Variants in CSMD3 observed in about 807,000 individuals in gnomAD.
The protein encoded by CSMD3 is CUB and sushi domain-containing protein 3.
Under a neutral mutation model 435.2 loss-of-function variants are expected in CSMD3, and 177 were observed. That is an observed-to-expected ratio of 0.41 (90% CI 0.36 to 0.46). CSMD3 has a LOEUF of 0.46. Ranked by LOEUF, CSMD3 falls within the 20% of genes least tolerant of loss-of-function variation. The pLI, the probability that CSMD3 is intolerant of heterozygous loss-of-function variation, is 0.34. For synonymous variants in CSMD3, 1,656 were observed against 1,520.5 expected (o/e 1.09, Z -2.07); for missense variants, 4,265 against 4,504.6 (o/e 0.95, Z 1.52).
In CSMD3 at chr8:112,337,649, G is replaced by T. The variant is rs148960234; in HGVS notation, c.6735C>A (p.Thr2245=). 1.2e-6 allele frequency: 2 copies of T among 1,613,412 alleles called. No homozygotes were observed. The highest frequency in any genetic ancestry group is 4.5e-5 in the East Asian group (2 of 44,856). ...VIGNDFTVGQ[T]ISFECFPGYT... ...ATCCTGGGAAACATTCAAATGAAAT[G>T]GTTTGACCCACAGTAAAATCATTAC... is the stretch of plus-strand genomic sequence containing the variant. The change falls in exon 43 of 71, where the codon ACC becomes ACA. Residue 2245 remains threonine (T), a synonymous_variant. Transcript: ENST00000297405.
chr8:112,699,953 TAC>T lies in CSMD3; in HGVS notation c.1973-9905_1973-9904del, dbSNP rs533800013. 4.6e-3 allele frequency among the ~76,000 whole-genome samples: 698 copies of T among 152,136 alleles called. 1 individual carries two copies. Among genetic ancestry groups the T allele is most frequent in the Non-Finnish European group, 7.4e-3 (501 of 67,968 alleles). ...TTGAATCCTGGACAAGAAAAAAACA[TAC>T]ACGTGTGTGTGTGTGCGTGCGTGTG... On this transcript the variant is annotated intron_variant, in intron 13 of 70. Transcript: ENST00000297405.
At chr8:112,230,998 T>C (rs1397997696) in intron 69 of CSMD3, among the ~76,000 whole-genome samples, 1 of 152,150 alleles carries the variant, frequency 6.6e-6, no homozygotes, top group Non-Finnish European at 1.5e-5. Flanking sequence ...AAGGTTTATA[T>C]ACATATAGAA....
At chr8:113,191,446 C>T (rs1249397466) in intron 3 of CSMD3, among the ~76,000 whole-genome samples, 1 of 151,404 alleles carries the variant, frequency 6.6e-6, no homozygotes, top group African/African-American at 2.4e-5. Context: ...TCTTTATATC[C>T]ACGTCTATTC....
At chr8:112,661,454 C>T (rs1259241792) in intron 17 of CSMD3, among the ~76,000 whole-genome samples, 1 of 152,028 alleles carries the variant, frequency 6.6e-6, no homozygotes, top group African/African-American at 2.4e-5. Context: ...AACAAAAGTC[C>T]AAAATCAAAT....
At chr8:113,302,437 C>T (rs956680728) in intron 2 of CSMD3, among the ~76,000 whole-genome samples, 1 of 150,038 alleles carries the variant, frequency 6.7e-6, no homozygotes, top group African/African-American at 2.4e-5. Context: ...TTAACAGATA[C>T]AGAGTATATG....
chr8:112,945,576 G>A (rs934891350), intron 9 of CSMD3, among the ~76,000 whole-genome samples: 5 of 138,342 alleles, frequency 3.6e-5, no homozygotes, highest in Non-Finnish European at 7.8e-5. Flanking sequence ...TATAATAAGA[G>A]AATACAGAAA....
chr8:112,882,171 T>A (rs2081467178), intron 10 of CSMD3, among the ~76,000 whole-genome samples: 1 of 151,544 alleles, frequency 6.6e-6, no homozygotes. Context: ...GACCCCAGAG[T>A]CTTTATGTCA....
intron 5 of CSMD3, among the ~76,000 whole-genome samples, chr8:113,096,634 G>A (rs1479981462): frequency 2.0e-5 from 3 of 151,856 alleles, no homozygotes; most frequent in Non-Finnish European, 2.9e-5. Flanking sequence ...TTCATCTAAA[G>A]TAAAAGACAG....
intron 13 of CSMD3, among the ~76,000 whole-genome samples, chr8:112,731,784 T>C (rs905021597): frequency 6.6e-6 from 1 of 152,118 alleles, no homozygotes; most frequent in Non-Finnish European, 1.5e-5. Context: ...TGAGTATTTG[T>C]TCACTGAATT....
At chr8:113,039,324 C>CT (rs1366452799) in intron 5 of CSMD3, among the ~76,000 whole-genome samples, 1 of 151,926 alleles carries the variant, frequency 6.6e-6, no homozygotes, top group African/African-American at 2.4e-5. Context: ...ATTTTAAATG[C>CT]TATATAACCT....
intron 9 of CSMD3, among the ~76,000 whole-genome samples, chr8:112,938,153 G>A (rs2083343043): frequency 6.6e-6 from 1 of 152,144 alleles, no homozygotes; most frequent in Admixed American, 6.6e-5. Context: ...TATAAGTGCT[G>A]AAATAAGTTG....
At chr8:112,754,003 C>A (rs1376614206) in intron 13 of CSMD3, among the ~76,000 whole-genome samples, 1 of 152,080 alleles carries the variant, frequency 6.6e-6, no homozygotes, top group Non-Finnish European at 1.5e-5. Flanking sequence ...TAGAGAAAGG[C>A]TGAATAAGAG....
chr8:112,852,398 TAAG>T (rs992020360), intron 11 of CSMD3, among the ~76,000 whole-genome samples: 6 of 152,118 alleles, frequency 3.9e-5, no homozygotes, highest in East Asian at 1.9e-4. Flanking sequence ...AATGATATAG[TAAG>T]AAGGACTGGA....
At chr8:112,699,361 C>T (rs140289696) in intron 13 of CSMD3, among the ~76,000 whole-genome samples, 12 of 152,204 alleles carry the variant, frequency 7.9e-5, no homozygotes, top group East Asian at 5.8e-4. Context: ...TAACATTCAC[C>T]GCTAGGGTCC....
intron 32 of CSMD3, among the ~76,000 whole-genome samples, chr8:112,419,786 T>A (rs935636247): frequency 2.0e-5 from 3 of 152,194 alleles, no homozygotes; most frequent in African/African-American, 7.2e-5. Flanking sequence ...GGAGCAAATA[T>A]CTATTCCACT....
intron 31 of CSMD3, among the ~76,000 whole-genome samples, chr8:112,487,187 A>C (rs780450129): frequency 6.6e-6 from 1 of 152,198 alleles, no homozygotes; most frequent in Non-Finnish European, 1.5e-5. Context: ...CATCAAATAA[A>C]TCTTTATTCA....
In CSMD3 at chr8:113,116,788, A is replaced by T. The variant is rs143384792; in HGVS notation, c.710-17825T>A. On this transcript the variant is annotated intron_variant, in intron 4 of 70. Coordinates refer to ENST00000297405, the MANE Select transcript of CSMD3 (RefSeq NM_198123.2). Reference sequence around the variant, plus strand: ...ATGCTGATAGTGATATGCACAATGAAGTCCAGGCTGAGGTGGTCTCAGATA... The same window carrying T: ...ATGCTGATAGTGATATGCACAATGATGTCCAGGCTGAGGTGGTCTCAGATA... Among the ~76,000 whole-genome samples, 5 of 152,310 alleles carry T rather than the reference A, an allele frequency of 3.3e-5. No individual in the cohort carries two copies. In the East Asian group the frequency reaches 9.7e-4, roughly 29 times the overall value.
intron 13 of CSMD3, among the ~76,000 whole-genome samples, chr8:112,744,464 GTATT>G (rs1364406358): frequency 1.3e-5 from 2 of 151,796 alleles, no homozygotes; most frequent in African/African-American, 4.8e-5. Context: ...TTAAAATACA[GTATT>G]TATCTTTCAG....
chr8:112,297,488 T>C (rs940285102), intron 53 of CSMD3, among the ~76,000 whole-genome samples: 10 of 152,012 alleles, frequency 6.6e-5, no homozygotes, highest in Non-Finnish European at 1.5e-4. Context: ...TGTAATTATT[T>C]CAATCTATGC....
Sources: gnomAD v4.1 joint callset for allele counts (sites outside exome capture counted in the v4.1 genomes callset) on GRCh38, gnomAD v4.1.1 for gene constraint, MANE v1.5 for transcripts, NCBI Gene and HGNC (gene_info 2026-07-23, HGNC 2026-07-21) for gene names.